The following PACS1 variants were observed in gnomAD, a reference collection of about 807,000 sequenced individuals.
The protein encoded by PACS1 is PACS-1.
PACS1 carries 24 observed loss-of-function variants against 115.0 expected under a neutral mutation model. The ratio of observed to expected loss-of-function variants is 0.21; its 90% confidence interval spans 0.15 to 0.29. PACS1 has a LOEUF of 0.29. Among genes scored for constraint, PACS1 ranks in the 10% least tolerant of loss-of-function variants. The pLI, the probability that PACS1 is intolerant of heterozygous loss-of-function variation, is 1.00. For missense variants in PACS1, 838 were observed against 1,251.2 expected (o/e 0.67, Z 4.98); for synonymous variants, 453 against 504.5 (o/e 0.90, Z 1.37).
At chr11:66,107,252 G>A (rs534299169) in intron 1 of PACS1, among the ~76,000 whole-genome samples, 1 of 152,130 alleles carries the variant, frequency 6.6e-6, no homozygotes, top group East Asian at 1.9e-4. Flanking sequence ...GATCTGCCTT[G>A]GTCTCTGCAC....
intron 1 of PACS1, among the ~76,000 whole-genome samples, chr11:66,077,463 A>C (rs1421796808): frequency 1.3e-5 from 2 of 152,268 alleles, no homozygotes; most frequent in African/African-American, 4.8e-5. Context: ...CAGGAGGCTG[A>C]GGTGGGAAGA....
chr11:66,138,768 C>T (rs1056527722), intron 1 of PACS1, among the ~76,000 whole-genome samples: 15 of 151,864 alleles, frequency 9.9e-5, no homozygotes, highest in South Asian at 2.1e-4. Context: ...CTGCAACCTC[C>T]GCCTCCCGGG....
chr11:66,137,031 C>CA (rs892276706), intron 1 of PACS1, among the ~76,000 whole-genome samples: 1 of 149,650 alleles, frequency 6.7e-6, no homozygotes, highest in Admixed American at 6.7e-5. Flanking sequence ...TGCCCCCCCC[C>CA]CCACCATTTC....
rs920950568 is a variant in PACS1 at position 66,165,812 on chromosome 11, T to A, written c.357-27674T>A. Among the ~76,000 whole-genome samples the A allele has an allele frequency of 5.9e-5, 9 of 152,116 alleles. No homozygotes were observed. The East Asian group carries it at 1.7e-3, about 29-fold the overall frequency. ...CAGGCTGGATTTGAACTCCTGGGCT[T>A]AAAGGATCCTCCTGCTTCAGTTCAT... On this transcript the variant is annotated intron_variant, in intron 1 of 23. Coordinates refer to ENST00000320580, the MANE Select transcript of PACS1 (RefSeq NM_018026.4).
intron 7 of PACS1, chr11:66,218,096 C>G (rs1855255781): frequency 1.3e-5 from 2 of 152,630 alleles, no homozygotes; most frequent in Non-Finnish European, 2.9e-5. Context: ...ATTCTTCTCT[C>G]CCACCAAGAA....
intron 2 of PACS1, 124 bp downstream of exon 2, chr11:66,193,697 C>G (rs1258896749): frequency 1.6e-6 from 1 of 630,024 alleles, no homozygotes; most frequent in East Asian, 2.8e-5. Flanking sequence ...CAGCAAGGTG[C>G]ACAGTGGAAA....
At chr11:66,200,468 T>G (rs1393744821) in intron 2 of PACS1, among the ~76,000 whole-genome samples, 4 of 147,648 alleles carry the variant, frequency 2.7e-5, no homozygotes, top group South Asian at 2.1e-4. Flanking sequence ...TCTATGCAAA[T>G]GGAAACAAAC....
chr11:66,123,751 G>A (rs1858503850), intron 1 of PACS1, among the ~76,000 whole-genome samples: 1 of 150,180 alleles, frequency 6.7e-6, no homozygotes, highest in South Asian at 2.1e-4. Flanking sequence ...TCGATCTCCT[G>A]ACCTCGTGAT....
chr11:66,082,448 C>A (rs1286496587), intron 1 of PACS1, among the ~76,000 whole-genome samples: 1 of 152,110 alleles, frequency 6.6e-6, no homozygotes, highest in Non-Finnish European at 1.5e-5. Context: ...CCTCTCACCT[C>A]AGCTTCGCAA....
intron 2 of PACS1, among the ~76,000 whole-genome samples, chr11:66,209,356 T>C (rs897234943): frequency 2.7e-5 from 4 of 150,302 alleles, no homozygotes; most frequent in Admixed American, 1.3e-4. Flanking sequence ...AACCCAAATA[T>C]TAGGTTTGGA....
intron 1 of PACS1, chr11:66,084,210 CCA>C (rs2134503677): frequency 6.6e-6 from 1 of 152,348 alleles, no homozygotes; most frequent in Admixed American, 6.5e-5. Context: ...AGCGAGCCGG[CCA>C]CATGGAACAC....
intron 11 of PACS1, among the ~76,000 whole-genome samples, chr11:66,228,262 G>C (rs537468378): frequency 1.2e-4 from 18 of 152,132 alleles, no homozygotes; most frequent in Non-Finnish European, 2.4e-4. Flanking sequence ...GGACCCTTGT[G>C]GGGAAGGAGC....
chr11:66,169,566 A>ATTTTTTTTTT (rs59176258), intron 1 of PACS1, among the ~76,000 whole-genome samples: 1 of 115,314 alleles, frequency 8.7e-6, no homozygotes, highest in Non-Finnish European at 1.6e-5. Flanking sequence ...CGCCCGGCTA[A>ATTTTTTTTTT]TTTTTTTTTT....
At chr11:66,217,501 C>G (rs1290896189) in intron 7 of PACS1, 2 of 454,758 alleles carry the variant, frequency 4.4e-6, no homozygotes, top group East Asian at 1.4e-4. Flanking sequence ...CCTGATTCTC[C>G]CCAGTGCAGA....
chr11:66,147,634 A>G (rs1032201124), intron 1 of PACS1, among the ~76,000 whole-genome samples: 9 of 152,226 alleles, frequency 5.9e-5, no homozygotes, highest in Non-Finnish European at 1.0e-4. Flanking sequence ...GACAGTAAAA[A>G]GCAAAAATAA....
At chr11:66,118,333 C>T (rs191817275) in intron 1 of PACS1, among the ~76,000 whole-genome samples, 68 of 152,232 alleles carry the variant, frequency 4.5e-4, no homozygotes, top group Middle Eastern at 3.4e-3. Flanking sequence ...AGCCAGGGGC[C>T]GGGCGCTGTG....
chr11:66,094,531 C>A (rs1197317840), intron 1 of PACS1, among the ~76,000 whole-genome samples: 2 of 151,942 alleles, frequency 1.3e-5, no homozygotes, highest in Non-Finnish European at 2.9e-5. Flanking sequence ...CAATAACAGG[C>A]TCTGAAATTG....
chr11:66,143,605 G>A (rs1026362666), intron 1 of PACS1, among the ~76,000 whole-genome samples: 2 of 152,092 alleles, frequency 1.3e-5, no homozygotes, highest in Non-Finnish European at 2.9e-5. Context: ...TTAACATACG[G>A]TACTTAGTTT....
intron 1 of PACS1, among the ~76,000 whole-genome samples, chr11:66,092,873 T>C (rs1857693066): frequency 6.6e-6 from 1 of 152,240 alleles, no homozygotes; most frequent in Non-Finnish European, 1.5e-5. Context: ...TTCTGTTCCA[T>C]TGATCTATAT....
Sources: allele counts gnomAD v4.1 joint callset (sites outside exome capture counted in the v4.1 genomes callset), GRCh38; gene constraint gnomAD v4.1.1; transcripts MANE v1.5; gene names NCBI Gene and HGNC (gene_info 2026-07-23, HGNC 2026-07-21).